Variants in EPRS1 observed in about 807,000 individuals in gnomAD.
The protein encoded by EPRS1 is bifunctional glutamate/proline--tRNA ligase.
Under a neutral mutation model 188.3 loss-of-function variants are expected in EPRS1, and 107 were observed. That is an observed-to-expected ratio of 0.57 (90% confidence interval 0.49 to 0.67). EPRS1 has a LOEUF of 0.67. Ranked by LOEUF, EPRS1 falls within the 30% of genes least tolerant of loss-of-function variation. The pLI, the probability that EPRS1 is intolerant of heterozygous loss-of-function variation, is 0.00. For missense variants in EPRS1, 1,577 were observed against 1,802.2 expected (o/e 0.88, Z 2.26); for synonymous variants, 596 against 593.1 (o/e 1.00, Z -0.07).
intron 18 of EPRS1, among the ~76,000 whole-genome samples, chr1:219,992,334 C>A (rs922609196): frequency 6.6e-6 from 1 of 152,120 alleles, no homozygotes; most frequent in Non-Finnish European, 1.5e-5. Flanking sequence ...GATTCAACTC[C>A]CCTCCACATA....
chr1:219,969,165 C>G, intron 30 of EPRS1, 43 bp from the exon 31 acceptor site: 1 of 1,290,588 alleles, frequency 7.7e-7, no homozygotes, highest in Non-Finnish European at 1.1e-6. Context: ...ATAACTCCTT[C>G]AATTCTATTC....
chr1:220,012,329 A>G (rs987589794), intron 12 of EPRS1, among the ~76,000 whole-genome samples: 11 of 152,222 alleles, frequency 7.2e-5, no homozygotes, highest in Non-Finnish European at 1.2e-4. Context: ...TACTCAGTTC[A>G]GTATTTAAGT....
chr1:219,989,625 C>G (rs1311987597), intron 18 of EPRS1, among the ~76,000 whole-genome samples: 4 of 152,138 alleles, frequency 2.6e-5, no homozygotes, highest in Admixed American at 1.3e-4. Context: ...CAGGCAGAAG[C>G]CATGAAGAAT....
intron 3 of EPRS1, 119 bp from the exon 4 acceptor site, chr1:220,033,777 T>C: frequency 6.1e-6 from 4 of 657,290 alleles, no homozygotes; most frequent in Non-Finnish European, 1.1e-5. Flanking sequence ...GCTTTTCCTT[T>C]CTCAAATTAT....
chr1:220,022,796 G>C (rs533602944), intron 8 of EPRS1, among the ~76,000 whole-genome samples: 1 of 152,310 alleles, frequency 6.6e-6, no homozygotes, highest in African/African-American at 2.4e-5. Context: ...ATAAGAAAAA[G>C]TACAAGGCCT....
chr1:220,032,570 T>G lies in EPRS1; in HGVS notation c.389-44A>C, dbSNP rs562051327. On this transcript the variant is annotated intron_variant, in intron 4 of 31. Coordinates refer to ENST00000366923, the MANE Select transcript of EPRS1 (RefSeq NM_004446.3). ...TTAAACTATTCAATAAATCTGCAGCTTCAAAAGCAAAGTTCCAGTTGTGAC... is the reference window on the plus strand; with the variant it reads ...TTAAACTATTCAATAAATCTGCAGCGTCAAAAGCAAAGTTCCAGTTGTGAC... The G allele has an allele frequency of 2.9e-4, 469 of 1,600,764 alleles. 2 individuals are homozygous for G. In the South Asian group the frequency reaches 4.8e-3, roughly 16 times the overall value.
At chr1:220,006,342 AAAT>A (rs1273799521) in intron 14 of EPRS1, 29 bp from the exon 15 acceptor site, 6 of 1,053,916 alleles carry the variant, frequency 5.7e-6, no homozygotes, top group Non-Finnish European at 8.1e-6. Flanking sequence ...GTATTCAAAG[AAAT>A]ATTAACCACA....
chr1:219,996,981 A>AC lies in EPRS1; in HGVS notation c.2541+1dup. 1 of 1,585,058 alleles carries AC rather than the reference A, an allele frequency of 6.3e-7. No individual in the cohort carries two copies. The highest frequency in any genetic ancestry group is 2.2e-5 in the East Asian group (1 of 44,754). On this transcript the variant is annotated splice_donor_variant, in intron 18 of 31. Coordinates refer to ENST00000366923, the MANE Select transcript of EPRS1 (RefSeq NM_004446.3). LOFTEE classifies it high-confidence loss of function. ...GGTCTTGACTTTCTCTAACATACTG[A>AC]CCTTAGGGGATTTTTCAGCTTTTAG...
Position 220,046,475 on chromosome 1 carries a change from T to TACCC in EPRS1, c.-88_-87insGGGT. On this transcript the variant is annotated 5_prime_UTR_variant, in exon 1 of 32. Coordinates refer to ENST00000366923, the MANE Select transcript of EPRS1 (RefSeq NM_004446.3). ...CCCGCGAAAGGAAGAAGATGCAACGTGTGCGCGTACCCGACGCCGCCGCAG... is the reference window on the plus strand; with the variant it reads ...CCCGCGAAAGGAAGAAGATGCAACGTACCCGTGCGCGTACCCGACGCCGCCGCAG... 1.3e-6 allele frequency: 2 copies of TACCC among 1,565,684 alleles called. No homozygotes were observed. Among genetic ancestry groups the TACCC allele is most frequent in the Non-Finnish European group, 1.7e-6 (2 of 1,157,268 alleles).
intron 13 of EPRS1, among the ~76,000 whole-genome samples, chr1:220,007,857 C>T (rs1190034026): frequency 2.0e-5 from 3 of 152,164 alleles, no homozygotes; most frequent in African/African-American, 4.8e-5. Context: ...TGGTGGCTTA[C>T]GCCTGTAATC....
chr1:220,039,034 T>C (rs1481289567), intron 2 of EPRS1, among the ~76,000 whole-genome samples: 1 of 152,026 alleles, frequency 6.6e-6, no homozygotes, highest in Non-Finnish European at 1.5e-5. Flanking sequence ...AGAAAGTCCC[T>C]CTCTATATGA....
intron 1 of EPRS1, 96 bp downstream of exon 1, chr1:220,046,247 C>T: frequency 6.8e-7 from 1 of 1,468,202 alleles, no homozygotes; most frequent in South Asian, 1.2e-5. Flanking sequence ...CAGATGGTGA[C>T]CACCACTGCG....
At position 219,997,325 on chromosome 1, in the gene EPRS1, C is replaced by T. The variant is rs1413182139; in HGVS notation, c.2199G>A (p.Lys733=). The change falls in exon 18 of 32, where the codon AAG becomes AAA. Residue 733 remains lysine, a synonymous_variant. Transcript: ENST00000366923. ...ATKNETSAPF[K]ERPTPSLNNN... Reference sequence around the variant, plus strand: ...TATTCAGAGAAGGTGTTGGTCTTTCCTTAAAAGGAGCAGAGGTCTACCAAG... The same window carrying T: ...TATTCAGAGAAGGTGTTGGTCTTTCTTTAAAAGGAGCAGAGGTCTACCAAG... The T allele has an allele frequency of 6.2e-7, 1 of 1,603,470 alleles. No homozygotes were observed. The highest frequency in any genetic ancestry group is 8.5e-7 in the Non-Finnish European group (1 of 1,175,824).
At chr1:220,030,701 T>C (rs1030005116) in intron 5 of EPRS1, among the ~76,000 whole-genome samples, 1 of 152,150 alleles carries the variant, frequency 6.6e-6, no homozygotes, top group Non-Finnish European at 1.5e-5. Flanking sequence ...GGGCACTCAG[T>C]TGAAATTAAT....
Position 220,006,278 on chromosome 1 carries a change from T to C in EPRS1, c.1778A>G (p.Lys593Arg), listed in dbSNP as rs770127666. 1 of 1,584,778 alleles carries C rather than the reference T, an allele frequency of 6.3e-7. No homozygotes were observed. The highest frequency in any genetic ancestry group is 2.3e-5 in the East Asian group (1 of 43,812). ...GTAGTCTTTGTTTTCCAAATTCAAC[T>C]TTGCATCAAGAGATATGATTTTTCC... ...ADGKIISLDA[K>R]LNLENKDYKK... is the part of the protein sequence containing the mutation. The change falls in exon 15 of 32, where the codon AAG becomes AGG. Residue 593 changes from lysine (K) to arginine (R), a missense_variant. Physicochemically the swap from Lys to Arg is conservative, Grantham distance 26 (BLOSUM62 2). This residue lies in a region of EPRS1 where 1,278 missense variants were observed against 1,457.4 expected (regional missense o/e 0.88). Transcript: ENST00000366923.
chr1:219,978,825 G>T, intron 27 of EPRS1, 106 bp from the exon 28 acceptor site: 1 of 764,200 alleles, frequency 1.3e-6, no homozygotes, highest in Non-Finnish European at 2.1e-6. Context: ...ACACGAATCA[G>T]CTGTGTGATT....
intron 30 of EPRS1, among the ~76,000 whole-genome samples, chr1:219,971,687 C>T (rs1660665690): frequency 6.7e-6 from 1 of 148,754 alleles, no homozygotes; most frequent in South Asian, 2.1e-4. Flanking sequence ...GCATATCAAA[C>T]ATGGGGAAAA....
intron 12 of EPRS1, among the ~76,000 whole-genome samples, chr1:220,013,612 G>A (rs549372824): frequency 2.6e-5 from 4 of 152,200 alleles, no homozygotes; most frequent in African/African-American, 4.8e-5. Context: ...ACTCCACGGC[G>A]CTAAATTTAG....
At chr1:220,016,577 ATTTT>A (rs57664248) in intron 12 of EPRS1, among the ~76,000 whole-genome samples, 2 of 69,604 alleles carry the variant, frequency 2.9e-5, no homozygotes, top group African/African-American at 1.1e-4. Context: ...GGCCTAGCTA[ATTTT>A]TTTTTTTTTT....
Sources: allele counts gnomAD v4.1 joint callset (sites outside exome capture counted in the v4.1 genomes callset), GRCh38; gene constraint gnomAD v4.1.1; regional missense constraint gnomAD v4.1.1; transcripts MANE v1.5; gene names NCBI Gene and HGNC (gene_info 2026-07-23, HGNC 2026-07-21).